The following ADAM12 variants were observed in gnomAD, a reference collection of about 807,000 sequenced individuals.
The protein encoded by ADAM12 is disintegrin and metalloproteinase domain-containing protein 12.
In ADAM12, 70 loss-of-function variants were observed where a neutral mutation model predicts 106.4. That is an observed-to-expected ratio of 0.66 (90% CI 0.54 to 0.80). The LOEUF (loss-of-function observed/expected upper bound fraction) is 0.80. Among genes scored for constraint, ADAM12 ranks in the 30% least tolerant of loss-of-function variants. The pLI is 0.00. For synonymous variants in ADAM12, 420 were observed against 433.5 expected (o/e 0.97, Z 0.39); for missense variants, 1,010 against 1,171.9 (o/e 0.86, Z 2.02).
At chr10:126,337,387 T>A (rs1225459194) in intron 1 of ADAM12, among the ~76,000 whole-genome samples, 1 of 152,096 alleles carries the variant, frequency 6.6e-6, no homozygotes, top group Non-Finnish European at 1.5e-5. Context: ...TGCTTTGAAG[T>A]CACTGGTGCA....
chr10:126,119,967 C>G (rs1274778660), intron 5 of ADAM12, among the ~76,000 whole-genome samples: 1 of 152,218 alleles, frequency 6.6e-6, no homozygotes, highest in East Asian at 1.9e-4. Context: ...ATTTGGGTAA[C>G]AGCAAACTGG....
intron 2 of ADAM12, among the ~76,000 whole-genome samples, chr10:126,304,114 G>C (rs1201391020): frequency 6.6e-6 from 1 of 151,988 alleles, no homozygotes; most frequent in East Asian, 1.9e-4. Flanking sequence ...ATTTTTCTCT[G>C]TCTTCTGTGA....
intron 3 of ADAM12, among the ~76,000 whole-genome samples, chr10:126,258,687 C>T (rs1189032704): frequency 6.6e-6 from 1 of 152,126 alleles, no homozygotes; most frequent in Non-Finnish European, 1.5e-5. Context: ...AGCTCCTCAC[C>T]CACCTGGGCC....
At chr10:126,365,515 T>C (rs1386952928) in intron 1 of ADAM12, among the ~76,000 whole-genome samples, 2 of 152,176 alleles carry the variant, frequency 1.3e-5, no homozygotes. Context: ...AAAAGAGGTT[T>C]GACTCACAGT....
At chr10:126,330,144 T>C (rs927118667) in intron 2 of ADAM12, among the ~76,000 whole-genome samples, 15 of 152,178 alleles carry the variant, frequency 9.9e-5, no homozygotes, top group African/African-American at 2.9e-4. Context: ...AAACTGAACA[T>C]GGAAGTTGTA....
chr10:126,133,544 C>T (rs975450629), intron 5 of ADAM12, among the ~76,000 whole-genome samples: 3 of 152,224 alleles, frequency 2.0e-5, no homozygotes, highest in African/African-American at 7.2e-5. Context: ...GCCTCCGCTT[C>T]TGTGCACATT....
intron 1 of ADAM12, among the ~76,000 whole-genome samples, chr10:126,379,632 C>T (rs1455920784): frequency 6.6e-6 from 1 of 152,064 alleles, no homozygotes; most frequent in Non-Finnish European, 1.5e-5. Flanking sequence ...ACCATGGCAC[C>T]TGTATACCTA....
At chr10:126,231,934 A>T (rs1958320222) in intron 3 of ADAM12, among the ~76,000 whole-genome samples, 1 of 152,144 alleles carries the variant, frequency 6.6e-6, no homozygotes, top group Non-Finnish European at 1.5e-5. Context: ...CTCAGCCTGA[A>T]TTCTAGACAT....
intron 5 of ADAM12, among the ~76,000 whole-genome samples, chr10:126,126,012 C>A (rs1325823152): frequency 6.6e-6 from 1 of 152,028 alleles, no homozygotes; most frequent in African/African-American, 2.4e-5. Context: ...CCCTGCTGAC[C>A]CCTTGATTTC....
At chr10:126,033,750 A>G (rs1954009900) in intron 21 of ADAM12, among the ~76,000 whole-genome samples, 1 of 152,190 alleles carries the variant, frequency 6.6e-6, no homozygotes, top group Non-Finnish European at 1.5e-5. Context: ...CCTGGAACAG[A>G]GACTATGGGT....
At chr10:126,098,175 G>A (rs1278465960) in intron 10 of ADAM12, among the ~76,000 whole-genome samples, 2 of 152,242 alleles carry the variant, frequency 1.3e-5, no homozygotes, top group Non-Finnish European at 2.9e-5. Flanking sequence ...CTCCATAAAA[G>A]AGGTAGGCTT....
intron 3 of ADAM12, among the ~76,000 whole-genome samples, chr10:126,185,076 T>C (rs879784437): frequency 6.6e-6 from 1 of 152,228 alleles, no homozygotes; most frequent in Non-Finnish European, 1.5e-5. Context: ...TTCGGGGCCA[T>C]ATATCCTTTC....
intron 3 of ADAM12, among the ~76,000 whole-genome samples, chr10:126,266,708 G>A (rs1267866481): frequency 1.3e-5 from 2 of 152,136 alleles, no homozygotes; most frequent in African/African-American, 4.8e-5. Flanking sequence ...CTTCTGCTCG[G>A]CTTCTGAGGA....
intron 3 of ADAM12, among the ~76,000 whole-genome samples, chr10:126,276,994 A>G (rs1324486365): frequency 6.6e-6 from 1 of 152,214 alleles, no homozygotes; most frequent in African/African-American, 2.4e-5. Flanking sequence ...GCTCTAAGAA[A>G]TTATTTATCT....
intron 3 of ADAM12, among the ~76,000 whole-genome samples, chr10:126,173,860 G>T (rs1292057288): frequency 6.6e-6 from 1 of 151,846 alleles, no homozygotes; most frequent in African/African-American, 2.4e-5. Flanking sequence ...GCATCGCAGG[G>T]GTCTGGGGGC....
At chr10:126,094,615 T>C (rs113094331) in intron 10 of ADAM12, among the ~76,000 whole-genome samples, 220 of 152,348 alleles carry the variant, frequency 1.4e-3, no homozygotes, top group African/African-American at 5.0e-3. Context: ...GAGGTTGTCA[T>C]TGAGCCTGCC....
At chr10:126,101,521 A>G (rs889120156) in intron 8 of ADAM12, among the ~76,000 whole-genome samples, 3 of 152,236 alleles carry the variant, frequency 2.0e-5, no homozygotes, top group African/African-American at 7.2e-5. Flanking sequence ...ATACATTTCA[A>G]ATGACTCACT....
At chr10:126,266,257 G>A (rs555123192) in intron 3 of ADAM12, among the ~76,000 whole-genome samples, 1 of 152,158 alleles carries the variant, frequency 6.6e-6, no homozygotes, top group Non-Finnish European at 1.5e-5. Flanking sequence ...GCTGATGCTG[G>A]GGAGAATGGA....
At chr10:126,182,414 C>T (rs1476026387) in intron 3 of ADAM12, among the ~76,000 whole-genome samples, 1 of 150,080 alleles carries the variant, frequency 6.7e-6, no homozygotes, top group Non-Finnish European at 1.5e-5. Flanking sequence ...AACAAACAAA[C>T]AAAAAAAACA....
Sources: gnomAD v4.1 joint callset for allele counts (sites outside exome capture counted in the v4.1 genomes callset) on GRCh38, gnomAD v4.1.1 for gene constraint, MANE v1.5 for transcripts, NCBI Gene and HGNC (gene_info 2026-07-23, HGNC 2026-07-21) for gene names.